The following AP2A2 variants were observed in gnomAD, a reference collection of about 807,000 sequenced individuals.
AP2A2 encodes AP-2 complex subunit alpha-2.
A neutral mutation model predicts 104.2 loss-of-function variants in AP2A2; 32 were observed. The ratio of observed to expected loss-of-function variants is 0.31; its 90% CI spans 0.23 to 0.41. The LOEUF (loss-of-function observed/expected upper bound fraction) is 0.41. Ranked by LOEUF, AP2A2 falls within the 10% of genes least tolerant of loss-of-function variation. The pLI is 1.00. For synonymous variants in AP2A2, 539 were observed against 533.3 expected (o/e 1.01, Z -0.15); for missense variants, 912 against 1,261.0 (o/e 0.72, Z 4.19).
At chr11:972,336 C>T (rs1854862877) in intron 4 of AP2A2, 81 bp downstream of exon 4, 4 of 1,375,500 alleles carry the variant, frequency 2.9e-6, no homozygotes, top group South Asian at 2.9e-5. Flanking sequence ...AGCTGCTTAG[C>T]CTAGGAAATG....
intron 18 of AP2A2, chr11:1,008,790 C>T (rs757651215): frequency 4.7e-6 from 2 of 428,716 alleles, no homozygotes; most frequent in South Asian, 9.9e-5. Flanking sequence ...GTGCAAATGC[C>T]TTTGCCTTTT....
chr11:949,037 C>T (rs1174569465), intron 1 of AP2A2, among the ~76,000 whole-genome samples: 2 of 152,082 alleles, frequency 1.3e-5, no homozygotes, highest in African/African-American at 2.4e-5. Flanking sequence ...TGCCTGTAAT[C>T]CCAGCACTTT....
intron 2 of AP2A2, among the ~76,000 whole-genome samples, chr11:963,143 C>T (rs1267269639): frequency 2.0e-5 from 3 of 151,574 alleles, no homozygotes; most frequent in African/African-American, 7.3e-5. Context: ...GAAAAAAAAA[C>T]TGGCTGGCAC....
At chr11:1,000,384 C>T (rs749721836) in intron 14 of AP2A2, 48 bp from the exon 15 acceptor site, 4 of 1,535,834 alleles carry the variant, frequency 2.6e-6, no homozygotes, top group Middle Eastern at 2.1e-4. Flanking sequence ...CTGGGGTTGG[C>T]CAGGCCAGGG....
intron 14 of AP2A2, 26 bp from the exon 15 acceptor site, chr11:1,000,406 T>C (rs1855991121): frequency 2.6e-6 from 4 of 1,542,400 alleles, no homozygotes; most frequent in Non-Finnish European, 3.5e-6. Context: ...GGCTCTCTGC[T>C]GATGCTCTCC....
At chr11:956,942 G>A (rs1708933276) in intron 1 of AP2A2, 2 of 152,148 alleles carry the variant, frequency 1.3e-5, no homozygotes, top group Non-Finnish European at 2.9e-5. Context: ...AGGCACCAGC[G>A]GGGTGTCCTC....
At chr11:931,620 C>G (rs1219995757) in intron 1 of AP2A2, among the ~76,000 whole-genome samples, 1 of 152,118 alleles carries the variant, frequency 6.6e-6, no homozygotes, top group Non-Finnish European at 1.5e-5. Flanking sequence ...TCTTTAACCC[C>G]CCCAGGTCCT....
chr11:990,261 A>G (rs1160179666), intron 10 of AP2A2, among the ~76,000 whole-genome samples: 2 of 152,140 alleles, frequency 1.3e-5, no homozygotes, highest in Admixed American at 6.5e-5. Context: ...TCCCGGCAGG[A>G]GGCCCCAAGG....
intron 5 of AP2A2, among the ~76,000 whole-genome samples, chr11:978,636 C>G (rs1855134518): frequency 6.6e-6 from 1 of 152,200 alleles, no homozygotes; most frequent in South Asian, 2.1e-4. Context: ...AGCTTGCGCA[C>G]CTGCACCCCT....
chr11:1,008,168 G>C (rs920315954), intron 18 of AP2A2, 33 bp downstream of exon 18: 8 of 1,567,272 alleles, frequency 5.1e-6, no homozygotes, highest in Non-Finnish European at 6.1e-6. Flanking sequence ...GGGCCAAGGG[G>C]TGTGTGGGCG....
chr11:970,140 A>G (rs1854768083), intron 2 of AP2A2, 29 bp from the exon 3 acceptor site: 2 of 1,612,398 alleles, frequency 1.2e-6, no homozygotes, highest in South Asian at 1.1e-5. Flanking sequence ...CCCGCCTGGA[A>G]TAAAACCTCT....
At chr11:940,616 C>T in intron 1 of AP2A2, 1 of 316,430 alleles carries the variant, frequency 3.2e-6, no homozygotes, top group Admixed American at 4.4e-5. Flanking sequence ...TGTATTTTAT[C>T]TCGTCTGTGT....
At chr11:983,613 G>C (rs1352909339) in intron 6 of AP2A2, among the ~76,000 whole-genome samples, 38 of 151,676 alleles carry the variant, frequency 2.5e-4, no homozygotes, top group African/African-American at 7.0e-4. Context: ...TCGATCTCCT[G>C]ACCTTGTGAT....
rs1477707989 is a variant in AP2A2, at chr11:1,011,126, C to T, written c.*501C>T. 1 of 571,632 alleles carries T rather than the reference C, an allele frequency of 1.7e-6. No homozygotes were observed. Among genetic ancestry groups the T allele is most frequent in the East Asian group, 4.4e-5 (1 of 22,932 alleles). The allele number at this position is 571,632 out of a possible 1,614,324, so 35.4% of individuals were successfully genotyped here. A position where few individuals can be genotyped will look rare whatever the true frequency, so the allele number is the denominator to read the frequency against. ...GCTGACCCTGGTTTTGCTGCAGTCC[C>T]AGCTGGACTGTTTTCCCAGGCAGGA... On this transcript the variant is annotated 3_prime_UTR_variant, in exon 22 of 22. Coordinates refer to ENST00000448903, the MANE Select transcript of AP2A2 (RefSeq NM_012305.4).
intron 2 of AP2A2, among the ~76,000 whole-genome samples, chr11:960,171 T>G (rs751968925): frequency 6.6e-6 from 1 of 151,772 alleles, no homozygotes; most frequent in Admixed American, 6.6e-5. Flanking sequence ...GAACACAGCT[T>G]GGGGACAACT....
rs1854716576 is a variant in AP2A2, at chr11:968,877, G to A, written c.137-1292G>A. On this transcript the variant is annotated intron_variant, in intron 2 of 21. Transcript: ENST00000448903. This position sits in a 1 kb window ranked among gnomAD's most constrained non-coding sequence, Gnocchi z 4.2. ...TTAATTTGCCGCTGACAAGGAGGGG[G>A]GTTTCTCATGAGCTCCTCAGAGTGC... Among the ~76,000 whole-genome samples the A allele has an allele frequency of 2.0e-5, 3 of 152,166 alleles. No homozygotes were observed. The highest frequency in any genetic ancestry group is 2.0e-4 in the Admixed American group (3 of 15,270).
chr11:970,362 G>A (rs1263376669), intron 3 of AP2A2, 51 bp downstream of exon 3: 1 of 1,595,140 alleles, frequency 6.3e-7, no homozygotes, highest in East Asian at 2.2e-5. Context: ...GGCCTGGCAG[G>A]ACTGAGGCCC....
chr11:995,287 TGATGCGATGA>T lies in AP2A2; in HGVS notation c.1956+1045_1956+1054del. ...TTAGGTCTGGTTTTCCTTGTATGTG[TGATGCGATGA>T]GAATAATCCTGTAACAGAATGTGTC... On this transcript the variant is annotated intron_variant, in intron 14 of 21. Coordinates refer to ENST00000448903, the MANE Select transcript of AP2A2 (RefSeq NM_012305.4). 3 of 455,872 alleles carry T rather than the reference TGATGCGATGA, an allele frequency of 6.6e-6. No individual in the cohort carries two copies. The Admixed American group carries it at 7.0e-5, about 11-fold the overall frequency. 28.2% of individuals were successfully genotyped at this position (455,872 alleles called of 1,614,324 possible). A position where few individuals can be genotyped will look rare whatever the true frequency, so the allele number is the denominator to read the frequency against.
Sources: allele counts gnomAD v4.1 joint callset (sites outside exome capture counted in the v4.1 genomes callset), GRCh38; gene constraint gnomAD v4.1.1; non-coding constraint Gnocchi (gnomAD v3.1); transcripts MANE v1.5; gene names NCBI Gene and HGNC (gene_info 2026-07-23, HGNC 2026-07-21).